Variants in CACNA2D3 observed in about 807,000 individuals in gnomAD.
CACNA2D3 encodes the protein voltage-dependent calcium channel subunit alpha-2/delta-3.
Under a neutral mutation model 160.6 loss-of-function variants are expected in CACNA2D3, and 60 were observed. That is an observed-to-expected ratio of 0.37 (90% confidence interval 0.30 to 0.46). The LOEUF (loss-of-function observed/expected upper bound fraction) is 0.46, where lower values mean the gene tolerates loss of function less well. Ranked by LOEUF, CACNA2D3 falls within the 20% of genes least tolerant of loss-of-function variation. The pLI is 1.00. For missense variants in CACNA2D3, 1,205 were observed against 1,365.0 expected, an observed-to-expected ratio of 0.88 and a Z score of 1.85; for synonymous variants, 558 against 492.9, an observed-to-expected ratio of 1.13 and a Z score of -1.75.
intron 4 of CACNA2D3, among the ~76,000 whole-genome samples, chr3:54,415,508 C>T (rs1699740715): frequency 6.6e-6 from 1 of 152,090 alleles, no homozygotes; most frequent in South Asian, 2.1e-4. Flanking sequence ...GCATGGTAAT[C>T]CTAATTTCTT....
intron 35 of CACNA2D3, among the ~76,000 whole-genome samples, chr3:55,064,914 C>G (rs942978405): frequency 1.3e-5 from 2 of 152,126 alleles, no homozygotes; most frequent in Non-Finnish European, 2.9e-5. Context: ...CAGGGGCAAG[C>G]TTTAGGGACC....
At chr3:54,660,319 C>T (rs1188129375) in intron 11 of CACNA2D3, among the ~76,000 whole-genome samples, 1 of 152,074 alleles carries the variant, frequency 6.6e-6, no homozygotes, top group Non-Finnish European at 1.5e-5. Context: ...CACCACCATG[C>T]CCGGCTAATT....
intron 35 of CACNA2D3, among the ~76,000 whole-genome samples, chr3:55,024,950 G>A (rs1248534521): frequency 3.3e-5 from 5 of 152,182 alleles, no homozygotes; most frequent in Non-Finnish European, 7.4e-5. Context: ...AATGCCACTG[G>A]TTTTATAATG....
At chr3:54,439,441 G>T (rs180752110) in intron 4 of CACNA2D3, among the ~76,000 whole-genome samples, 2 of 152,264 alleles carry the variant, frequency 1.3e-5, no homozygotes, top group Admixed American at 1.3e-4. Context: ...AACCAAGGCA[G>T]TCTCTGTCAC....
At chr3:54,685,627 C>G (rs756075331) in intron 11 of CACNA2D3, among the ~76,000 whole-genome samples, 1 of 152,332 alleles carries the variant, frequency 6.6e-6, no homozygotes, top group South Asian at 2.1e-4. Context: ...TCTTAACCTC[C>G]GTTGTCTCAT....
At chr3:54,861,829 T>C (rs1034525445) in intron 17 of CACNA2D3, among the ~76,000 whole-genome samples, 1 of 152,246 alleles carries the variant, frequency 6.6e-6, no homozygotes, top group East Asian at 1.9e-4. Flanking sequence ...AGCTCCTGCC[T>C]GTGTTTCCAT....
At chr3:54,788,099 T>C (rs908903735) in intron 13 of CACNA2D3, among the ~76,000 whole-genome samples, 1 of 152,238 alleles carries the variant, frequency 6.6e-6, no homozygotes, top group African/African-American at 2.4e-5. Context: ...TATATACATT[T>C]CCTTATTAAT....
At chr3:54,589,287 A>C (rs1702818054) in intron 9 of CACNA2D3, among the ~76,000 whole-genome samples, 1 of 152,162 alleles carries the variant, frequency 6.6e-6, no homozygotes. Flanking sequence ...ATATCTTTTC[A>C]ACAAATGGCT....
chr3:54,249,054 T>C (rs1258483833), intron 2 of CACNA2D3, among the ~76,000 whole-genome samples: 1 of 152,190 alleles, frequency 6.6e-6, no homozygotes, highest in Non-Finnish European at 1.5e-5. Context: ...CTTTATATCA[T>C]AGTATTTAAG....
intron 27 of CACNA2D3, among the ~76,000 whole-genome samples, chr3:54,958,435 C>G (rs978645074): frequency 6.6e-5 from 10 of 152,172 alleles, no homozygotes; most frequent in African/African-American, 2.4e-4. Flanking sequence ...CAGTTTATTC[C>G]CTACAGCAGT....
intron 9 of CACNA2D3, among the ~76,000 whole-genome samples, chr3:54,596,634 G>A (rs1456652013): frequency 6.6e-6 from 1 of 151,950 alleles, no homozygotes; most frequent in Admixed American, 6.6e-5. Flanking sequence ...TCTCTTGCTA[G>A]TATGACCTCT....
intron 3 of CACNA2D3, among the ~76,000 whole-genome samples, chr3:54,377,179 A>G (rs890784167): frequency 1.7e-4 from 26 of 152,348 alleles, no homozygotes; most frequent in African/African-American, 6.0e-4. Context: ...TGAGGACATC[A>G]GTCAAACCCT....
chr3:54,290,829 T>G (rs886712306), intron 2 of CACNA2D3, among the ~76,000 whole-genome samples: 5 of 152,036 alleles, frequency 3.3e-5, no homozygotes, highest in Non-Finnish European at 7.3e-5. Flanking sequence ...AAACACCGCA[T>G]GTTCTCACTC....
At chr3:54,167,835 G>A (rs77998629) in intron 2 of CACNA2D3, among the ~76,000 whole-genome samples, 2,170 of 152,320 alleles carry the variant, frequency 0.014, 53 homozygotes, top group African/African-American at 0.048. Flanking sequence ...ACTTAAGGGA[G>A]CATTAGAACA....
intron 2 of CACNA2D3, among the ~76,000 whole-genome samples, chr3:54,209,806 T>G (rs560076584): frequency 6.6e-6 from 1 of 152,350 alleles, no homozygotes; most frequent in East Asian, 1.9e-4. Flanking sequence ...CTTAAACTTT[T>G]TATTATTTTG....
At chr3:54,856,700 GAAAAC>G (rs1209990661) in intron 17 of CACNA2D3, among the ~76,000 whole-genome samples, 1 of 152,190 alleles carries the variant, frequency 6.6e-6, no homozygotes, top group Non-Finnish European at 1.5e-5. Flanking sequence ...AAAAATCTGA[GAAAAC>G]AAAAAGTCGG....
chr3:55,072,301 T>C lies in CACNA2D3; in HGVS notation c.2988-1144T>C, dbSNP rs183953989. Among the ~76,000 whole-genome samples the C allele has an allele frequency of 3.3e-5, 5 of 152,256 alleles. No individual in the cohort carries two copies. The East Asian group carries it at 9.7e-4, about 29-fold the overall frequency. The stretch of plus-strand genomic sequence containing the variant: ...CATTTATAGAAAAGAAAGAAACCAA[T>C]TGTGTTGCAGTCTCTCTGAGAGGCA... On this transcript the variant is annotated intron_variant, in intron 35 of 37. Coordinates refer to ENST00000474759, the MANE Select transcript of CACNA2D3 (RefSeq NM_018398.3).
chr3:54,255,152 G>A (rs912556434), intron 2 of CACNA2D3, among the ~76,000 whole-genome samples: 1 of 152,186 alleles, frequency 6.6e-6, no homozygotes, highest in African/African-American at 2.4e-5. Context: ...TTTAAAAATG[G>A]AATCATGTTT....
At chr3:54,531,819 G>A (rs924060862) in intron 5 of CACNA2D3, among the ~76,000 whole-genome samples, 5 of 152,308 alleles carry the variant, frequency 3.3e-5, no homozygotes, top group African/African-American at 4.8e-5. Flanking sequence ...AATAAAAAAC[G>A]GATTTTTGTC....
Sources: gnomAD v4.1 joint callset for allele counts (sites outside exome capture counted in the v4.1 genomes callset) on GRCh38, gnomAD v4.1.1 for gene constraint, MANE v1.5 for transcripts, NCBI Gene and HGNC (gene_info 2026-07-23, HGNC 2026-07-21) for gene names.